Variants in PTPN14 observed in about 807,000 individuals in gnomAD.
PTPN14 encodes the protein tyrosine-protein phosphatase non-receptor type 14.
PTPN14 carries 53 observed loss-of-function variants against 126.8 expected under a neutral mutation model. The ratio of observed to expected loss-of-function variants is 0.42; its 90% confidence interval spans 0.34 to 0.53. The LOEUF (loss-of-function observed/expected upper bound fraction) is 0.53, where lower values mean the gene tolerates loss of function less well. Among genes scored for constraint, PTPN14 ranks in the 20% least tolerant of loss-of-function variants. PTPN14 has a pLI of 0.08. For synonymous variants in PTPN14, 630 were observed against 599.3 expected (o/e 1.05, Z -0.75); for missense variants, 1,257 against 1,552.9 (o/e 0.81, Z 3.20).
intron 3 of PTPN14, among the ~76,000 whole-genome samples, chr1:214,425,649 G>C (rs542111288): frequency 6.6e-6 from 1 of 152,152 alleles, no homozygotes; most frequent in South Asian, 2.1e-4. Flanking sequence ...GTTGTTCCTA[G>C]TGTACTATGA....
chr1:214,385,744 G>A (rs779145063), intron 12 of PTPN14, among the ~76,000 whole-genome samples: 2 of 152,328 alleles, frequency 1.3e-5, no homozygotes, highest in African/African-American at 2.4e-5. Flanking sequence ...ACATTCAACT[G>A]TCTGAAGAGG....
At chr1:214,446,034 T>C (rs1333993137) in intron 3 of PTPN14, among the ~76,000 whole-genome samples, 2 of 152,006 alleles carry the variant, frequency 1.3e-5, no homozygotes, top group Admixed American at 6.5e-5. Context: ...CAAAGCAAAA[T>C]GGAAAAAATT....
chr1:214,440,760 C>G (rs1660021341), intron 3 of PTPN14, among the ~76,000 whole-genome samples: 1 of 152,200 alleles, frequency 6.6e-6, no homozygotes, highest in South Asian at 2.1e-4. Context: ...CAGTCAGGAC[C>G]TAAATACCTA....
chr1:214,390,216 G>A (rs910420869), intron 11 of PTPN14, among the ~76,000 whole-genome samples: 1 of 152,134 alleles, frequency 6.6e-6, no homozygotes, highest in African/African-American at 2.4e-5. Flanking sequence ...TAAAATAAAA[G>A]AATTGTGAGT....
intron 18 of PTPN14, among the ~76,000 whole-genome samples, chr1:214,362,230 C>A (rs1395344974): frequency 2.0e-5 from 3 of 152,202 alleles, no homozygotes; most frequent in Non-Finnish European, 2.9e-5. Flanking sequence ...TCCCCGCTAA[C>A]CATCTACCAA....
intron 1 of PTPN14, among the ~76,000 whole-genome samples, chr1:214,486,470 G>A (rs985077886): frequency 6.6e-6 from 1 of 152,210 alleles, no homozygotes; most frequent in African/African-American, 2.4e-5. Flanking sequence ...AGCAAAGTAA[G>A]TCTCTCCCAA....
At chr1:214,507,793 T>G (rs1654877839) in intron 1 of PTPN14, among the ~76,000 whole-genome samples, 1 of 152,218 alleles carries the variant, frequency 6.6e-6, no homozygotes, top group Non-Finnish European at 1.5e-5. Flanking sequence ...ACTATTAGTC[T>G]ATAAAGTGTG....
At chr1:214,380,604 A>G (rs1287869274) in intron 13 of PTPN14, among the ~76,000 whole-genome samples, 2 of 152,228 alleles carry the variant, frequency 1.3e-5, no homozygotes, top group African/African-American at 2.4e-5. Context: ...AGAGCTGCCC[A>G]GAGGGCAAAT....
At chr1:214,461,966 AGAG>A (rs1660523963) in intron 2 of PTPN14, among the ~76,000 whole-genome samples, 1 of 152,206 alleles carries the variant, frequency 6.6e-6, no homozygotes, top group African/African-American at 2.4e-5. Context: ...GCTTTTGGAT[AGAG>A]GATGCATTCT....
chr1:214,437,816 C>T (rs557121809), intron 3 of PTPN14, among the ~76,000 whole-genome samples: 1 of 152,318 alleles, frequency 6.6e-6, no homozygotes, highest in African/African-American at 2.4e-5. Flanking sequence ...CTCCAACATC[C>T]ATCTACTAAC....
chr1:214,544,577 C>T (rs974992107), intron 1 of PTPN14, among the ~76,000 whole-genome samples: 3 of 152,090 alleles, frequency 2.0e-5, no homozygotes, highest in African/African-American at 7.2e-5. Flanking sequence ...CAGCAAAACC[C>T]CATCTCTACT....
intron 3 of PTPN14, among the ~76,000 whole-genome samples, chr1:214,434,792 G>C (rs1391896510): frequency 6.6e-6 from 1 of 152,166 alleles, no homozygotes. Context: ...CACAGGGTGG[G>C]AGAGGGACCC....
rs149124546 is a variant in PTPN14 at position 214,402,426 on chromosome 1, C to T, written c.581+457G>A. On this transcript the variant is annotated intron_variant, in intron 6 of 18. Coordinates refer to ENST00000366956, the MANE Select transcript of PTPN14 (RefSeq NM_005401.5). ...CTGCACTCCAGCCTGGGTGACAGAG[C>T]GAGACTCTGTCAAAAAAAAAAAAAA... is the stretch of plus-strand genomic sequence containing the variant. 2.8e-3 allele frequency among the ~76,000 whole-genome samples: 232 copies of T among 82,694 alleles called. 2 individuals are homozygous for T. The highest frequency in any genetic ancestry group is 0.012 in the African/African-American group (208 of 16,644). 54.3% of individuals were successfully genotyped at this position (82,694 alleles called of 152,430 possible).
intron 1 of PTPN14, among the ~76,000 whole-genome samples, chr1:214,536,945 C>A (rs1223925014): frequency 1.3e-5 from 2 of 152,000 alleles, no homozygotes; most frequent in Non-Finnish European, 2.9e-5. Flanking sequence ...TAAGTTTATA[C>A]CAATTTTTTA....
At chr1:214,394,654 G>A (rs993861416) in intron 9 of PTPN14, among the ~76,000 whole-genome samples, 8 of 152,060 alleles carry the variant, frequency 5.3e-5, no homozygotes, top group East Asian at 3.9e-4. Context: ...GTGATCCACC[G>A]GCCTCGGCCT....
chr1:214,471,846 T>C (rs1018611963), intron 1 of PTPN14, among the ~76,000 whole-genome samples: 2 of 152,248 alleles, frequency 1.3e-5, no homozygotes, highest in Non-Finnish European at 2.9e-5. Flanking sequence ...AGATTTCTTA[T>C]TCTAGCCAAC....
chr1:214,360,458 C>T (rs997560079), intron 18 of PTPN14, among the ~76,000 whole-genome samples: 3 of 152,208 alleles, frequency 2.0e-5, no homozygotes. Context: ...AAGCTTCTGA[C>T]AGTAACAAGT....
chr1:214,461,800 C>T (rs1219454442), intron 2 of PTPN14, among the ~76,000 whole-genome samples: 2 of 152,034 alleles, frequency 1.3e-5, no homozygotes, highest in East Asian at 1.9e-4. Context: ...AGAGTTAGGC[C>T]CCAACACCCC....
At position 214,464,864 on chromosome 1, in the gene PTPN14, T is replaced by C. The variant is rs1014901397; in HGVS notation, c.-61A>G. On this transcript the variant is annotated 5_prime_UTR_variant, in exon 2 of 19. The change abolishes the stop of an existing upstream ORF in the 5' untranslated region. Transcript: ENST00000366956. ...GGCGCACACGCCCCTGAGATGGCCT[T>C]AGCAGTTTCGTGACTGGAAAATTAC... 1 of 1,583,822 alleles carries C rather than the reference T, an allele frequency of 6.3e-7. No homozygotes were observed. The highest frequency in any genetic ancestry group is 8.6e-7 in the Non-Finnish European group (1 of 1,159,334).
Sources: allele counts gnomAD v4.1 joint callset (sites outside exome capture counted in the v4.1 genomes callset), GRCh38; gene constraint gnomAD v4.1.1; transcripts MANE v1.5; gene names NCBI Gene and HGNC (gene_info 2026-07-23, HGNC 2026-07-21).